SOX6: variants seen among roughly 807,000 people sequenced by gnomAD.
The protein encoded by SOX6 is transcription factor SOX-6.
SOX6 carries 11 observed loss-of-function variants against 97.8 expected under a neutral mutation model. That is an observed-to-expected ratio of 0.11 (90% CI 0.07 to 0.19). The LOEUF (loss-of-function observed/expected upper bound fraction) is 0.19. SOX6 is among the 10% of genes least tolerant of loss of function. The pLI is 1.00. For missense variants in SOX6, 810 were observed against 1,039.5 expected, an observed-to-expected ratio of 0.78 and a Z score of 3.04; for synonymous variants, 360 against 371.4, an observed-to-expected ratio of 0.97 and a Z score of 0.35.
At chr11:16,478,920 T>G (rs1191254634), upstream of SOX6, among the ~76,000 whole-genome samples, 1 of 152,198 alleles carries the variant, frequency 6.6e-6, no homozygotes, top group Non-Finnish European at 1.5e-5. Context: ...CTCAATCTGT[T>G]TGGTAAAATG....
In SOX6 at chr11:16,291,229, TTATA is replaced by T. The variant is rs10529279; in HGVS notation, c.445+27213_445+27216del. On this transcript the variant is annotated intron_variant, in intron 3 of 15. Coordinates refer to ENST00000683767, the MANE Select transcript of SOX6 (RefSeq NM_001367873.1). ...AACTTCCTCTCATTTTTCTATAAATTTATATATATATATATATATATATATATAT... is the reference window on the plus strand; with the variant it reads ...AACTTCCTCTCATTTTTCTATAAATTTATATATATATATATATATATATAT... Among the ~76,000 whole-genome samples the T allele has an allele frequency of 1.8e-3, 256 of 143,372 alleles. 3 individuals carry two copies. The highest frequency in any genetic ancestry group is 6.4e-3 in the African/African-American group (241 of 37,562). 94.1% of individuals were successfully genotyped at this position (143,372 alleles called of 152,430 possible).
chr11:16,054,590 G>A (rs1427962344), intron 10 of SOX6, among the ~76,000 whole-genome samples: 3 of 152,004 alleles, frequency 2.0e-5, no homozygotes, highest in Non-Finnish European at 4.4e-5. Flanking sequence ...AGACTTCCTG[G>A]AATCTCAAAA....
chr11:16,567,553 A>ATTTTTTCTTTTTTTTTTTTTTTTT lies in SOX6; in HGVS notation n.609+44527_609+44528insAAAAAAAAAAAAAAAAAGAAAAAA, dbSNP rs1565182421. Among the ~76,000 whole-genome samples, 3 of 107,066 alleles carry ATTTTTTCTTTTTTTTTTTTTTTTT rather than the reference A, an allele frequency of 2.8e-5. 1 individual carries two copies. The highest frequency in any genetic ancestry group is 3.7e-5 in the Non-Finnish European group (2 of 53,346). The allele number at this position is 107,066 out of a possible 152,430, so 70.2% of individuals were successfully genotyped here. On this transcript the variant is annotated intron_variant and non_coding_transcript_variant, in intron 4 of 5. Transcript: ENST00000524520. The stretch of plus-strand genomic sequence containing the variant: ...TTTCTCTGTATTAATGGTATGTCAT[A>ATTTTTTCTTTTTTTTTTTTTTTTT]TTTTTTTCTTTTTTTTTTTTTTTTT...
At chr11:16,227,919 C>T (rs1201994206) in intron 4 of SOX6, among the ~76,000 whole-genome samples, 3 of 152,080 alleles carry the variant, frequency 2.0e-5, no homozygotes, top group Non-Finnish European at 2.9e-5. Flanking sequence ...AGACCCAGGC[C>T]GGGTGCAGTG....
chr11:16,381,841 A>G (rs1857831754), intron 1 of SOX6, among the ~76,000 whole-genome samples: 1 of 151,796 alleles, frequency 6.6e-6, no homozygotes, highest in Non-Finnish European at 1.5e-5. Flanking sequence ...CAATGAACAC[A>G]ATACCAAAGT....
intron 4 of SOX6, among the ~76,000 whole-genome samples, chr11:16,578,992 G>A (rs879838982): frequency 2.6e-5 from 4 of 152,010 alleles, no homozygotes; most frequent in Admixed American, 1.3e-4. Context: ...ACAAAATATG[G>A]AAATATTCTA....
chr11:16,244,036 T>C (rs189986828), intron 3 of SOX6, among the ~76,000 whole-genome samples: 3 of 151,964 alleles, frequency 2.0e-5, no homozygotes, highest in Non-Finnish European at 4.4e-5. Context: ...CCTTAAAAAT[T>C]GAATTTCCTG....
intron 9 of SOX6, among the ~76,000 whole-genome samples, chr11:16,093,088 T>C (rs1375008315): frequency 6.6e-6 from 1 of 151,998 alleles, no homozygotes; most frequent in Non-Finnish European, 1.5e-5. Flanking sequence ...AGCAGTATAA[T>C]ACATTGTTTA....
chr11:16,668,834 G>A (rs934955483), intron 3 of SOX6, among the ~76,000 whole-genome samples: 19 of 152,096 alleles, frequency 1.2e-4, no homozygotes, highest in Non-Finnish European at 2.1e-4. Context: ...AGGGGTCAAC[G>A]AGGATAAACA....
At chr11:16,682,391 G>A (rs1458785199) in intron 3 of SOX6, among the ~76,000 whole-genome samples, 4 of 152,142 alleles carry the variant, frequency 2.6e-5, no homozygotes, top group African/African-American at 9.7e-5. Flanking sequence ...TCTCCACCAC[G>A]ATCAAGTCAG....
In SOX6 at chr11:16,605,256, C is replaced by A. The variant is rs2133979659; in HGVS notation, n.609+6825G>T. 6.6e-6 allele frequency among the ~76,000 whole-genome samples: 1 copy of A among 152,172 alleles called. No homozygotes were observed. Among genetic ancestry groups the A allele is most frequent in the Admixed American group, 6.5e-5 (1 of 15,286 alleles). ...GGACGCGGGGCGGGGAAGAAACGTG[C>A]CGGCGACCGTGCGCTCGGCCGGGTG... is the stretch of plus-strand genomic sequence containing the variant. On this transcript the variant is annotated intron_variant and non_coding_transcript_variant, in intron 4 of 5. Coordinates refer to the SOX6 transcript ENST00000524520. This position sits in a 1 kb window ranked among gnomAD's most constrained non-coding sequence, Gnocchi z 5.3.
intron 3 of SOX6, among the ~76,000 whole-genome samples, chr11:16,259,668 T>G (rs1853814424): frequency 6.6e-6 from 1 of 152,082 alleles, no homozygotes; most frequent in Admixed American, 6.6e-5. Context: ...ACAAGAAAAG[T>G]GTATACTTTA....
chr11:16,255,351 C>T (rs573533390), intron 3 of SOX6, among the ~76,000 whole-genome samples: 1 of 152,144 alleles, frequency 6.6e-6, no homozygotes, highest in African/African-American at 2.4e-5. Context: ...AAACAGACCA[C>T]ATTCTGGGCT....
intron 3 of SOX6, among the ~76,000 whole-genome samples, chr11:16,662,474 T>A (rs1005355586): frequency 6.6e-6 from 1 of 152,092 alleles, no homozygotes; most frequent in Admixed American, 6.6e-5. Flanking sequence ...ATATCCCTCA[T>A]AGAAACAGAT....
intron 4 of SOX6, among the ~76,000 whole-genome samples, chr11:16,229,899 T>C (rs959696867): frequency 1.1e-4 from 17 of 151,782 alleles, no homozygotes; most frequent in African/African-American, 3.9e-4. Context: ...TCAATTCAAC[T>C]ATGAACACTG....
chr11:16,428,664 T>G (rs1157210618), intron 1 of SOX6, among the ~76,000 whole-genome samples: 1 of 152,226 alleles, frequency 6.6e-6, no homozygotes, highest in Non-Finnish European at 1.5e-5. Context: ...CTGAGGGCTC[T>G]GCTCTGTTCC....
intron 3 of SOX6, among the ~76,000 whole-genome samples, chr11:16,285,756 G>A (rs1451882568): frequency 6.6e-6 from 1 of 152,024 alleles, no homozygotes; most frequent in Non-Finnish European, 1.5e-5. Context: ...CTTCTGAGAT[G>A]TTGCCTGATC....
chr11:16,684,704 C>A (rs1259337429), intron 3 of SOX6, among the ~76,000 whole-genome samples: 1 of 151,694 alleles, frequency 6.6e-6, no homozygotes, highest in African/African-American at 2.4e-5. Flanking sequence ...ACGTTCTGCA[C>A]ATGTACCCTA....
At chr11:16,084,366 T>A (rs1848534436) in intron 9 of SOX6, among the ~76,000 whole-genome samples, 1 of 151,968 alleles carries the variant, frequency 6.6e-6, no homozygotes, top group African/African-American at 2.4e-5. Context: ...CTTAAAAGAG[T>A]ACCTAAGGTA....
Sources: gnomAD v4.1 joint callset for allele counts (sites outside exome capture counted in the v4.1 genomes callset) on GRCh38, gnomAD v4.1.1 for gene constraint, Gnocchi (gnomAD v3.1) non-coding constraint, MANE v1.5 for transcripts, NCBI Gene and HGNC (gene_info 2026-07-23, HGNC 2026-07-21) for gene names.